Variants in STX8 observed in about 807,000 individuals in gnomAD.
The protein encoded by STX8 is syntaxin 8.
STX8 carries 23 observed loss-of-function variants against 37.5 expected under a neutral mutation model. The ratio of observed to expected loss-of-function variants is 0.61; its 90% CI spans 0.44 to 0.87. The LOEUF is 0.87. STX8 is among the 40% of genes least tolerant of loss of function. The pLI, the probability that STX8 is intolerant of heterozygous loss-of-function variation, is 0.00. For synonymous variants in STX8, 115 were observed against 99.1 expected (o/e 1.16, Z -0.95); for missense variants, 313 against 284.7 (o/e 1.10, Z -0.71).
chr17:9,303,149 G>C (rs1231824392), intron 7 of STX8, among the ~76,000 whole-genome samples: 1 of 152,054 alleles, frequency 6.6e-6, no homozygotes, highest in African/African-American at 2.4e-5. Flanking sequence ...AAATTAGCTG[G>C]GCGTGGTGGC....
At chr17:9,360,756 A>G (rs894661887) in intron 7 of STX8, among the ~76,000 whole-genome samples, 2 of 151,662 alleles carry the variant, frequency 1.3e-5, no homozygotes, top group Admixed American at 6.6e-5. Flanking sequence ...GGCTGTTTCG[A>G]GCGTGAATCA....
intron 6 of STX8, among the ~76,000 whole-genome samples, chr17:9,437,129 G>A (rs907137703): frequency 6.6e-6 from 1 of 152,204 alleles, no homozygotes; most frequent in Admixed American, 6.5e-5. Context: ...GCAGACAGTT[G>A]TACTATTAAT....
At chr17:9,283,661 C>G (rs910401624) in intron 7 of STX8, among the ~76,000 whole-genome samples, 1 of 152,106 alleles carries the variant, frequency 6.6e-6, no homozygotes, top group Non-Finnish European at 1.5e-5. Context: ...ATGGATAGAA[C>G]GACATTCTTT....
chr17:9,489,533 G>A (rs981754057), intron 6 of STX8, among the ~76,000 whole-genome samples: 3 of 152,084 alleles, frequency 2.0e-5, no homozygotes, highest in Non-Finnish European at 2.9e-5. Context: ...CCATCCACCC[G>A]CAGACACTGC....
chr17:9,294,762 T>C (rs1908452352), intron 7 of STX8, among the ~76,000 whole-genome samples: 1 of 152,188 alleles, frequency 6.6e-6, no homozygotes, highest in African/African-American at 2.4e-5. Context: ...GTAACTGTAT[T>C]TGGAGACAGG....
rs535518806 is a variant in STX8 at position 9,452,797 on chromosome 17, G to T, written c.541+39032C>A. Among the ~76,000 whole-genome samples, 219 of 143,000 alleles carry T rather than the reference G, an allele frequency of 1.5e-3. 8 individuals carry two copies. In the South Asian group the frequency reaches 0.05, roughly 33 times the overall value. 93.8% of individuals were successfully genotyped at this position (143,000 alleles called of 152,430 possible). A position where few individuals can be genotyped will look rare whatever the true frequency, so the allele number is the denominator to read the frequency against. ...GATAACAAAGTATCCCAGTAGGATG[G>T]CCCTTGTTTTTTTTTCTTTTTAGAC... is the stretch of plus-strand genomic sequence containing the variant. On this transcript the variant is annotated intron_variant, in intron 6 of 7. Coordinates refer to ENST00000306357, the MANE Select transcript of STX8 (RefSeq NM_004853.3).
rs565778030 is a variant in STX8 at position 9,269,372 on chromosome 17, G to A, written c.644-18727C>T. Among the ~76,000 whole-genome samples the A allele has an allele frequency of 3.9e-5, 6 of 152,164 alleles. No homozygotes were observed. In the South Asian group the frequency reaches 6.2e-4, roughly 16 times the overall value. The stretch of plus-strand genomic sequence containing the variant: ...GGCTTAAACAGACCCTCAAGACACC[G>A]TCCTGGAAAGAGGCAGATTGATGGC... On this transcript the variant is annotated intron_variant, in intron 7 of 7. Coordinates refer to ENST00000306357, the MANE Select transcript of STX8 (RefSeq NM_004853.3).
At chr17:9,275,875 G>GA (rs1393110349) in intron 7 of STX8, among the ~76,000 whole-genome samples, 1 of 139,620 alleles carries the variant, frequency 7.2e-6, no homozygotes, top group East Asian at 2.1e-4. Flanking sequence ...CTCAAAAAAA[G>GA]AAAAAAAAGA....
chr17:9,255,685 C>T (rs1203923858), intron 7 of STX8, among the ~76,000 whole-genome samples: 1 of 152,060 alleles, frequency 6.6e-6, no homozygotes, highest in Non-Finnish European at 1.5e-5. Flanking sequence ...TTTTAGGAGC[C>T]ATGACAAATA....
chr17:9,484,720 G>A (rs929053323), intron 6 of STX8, among the ~76,000 whole-genome samples: 11 of 151,816 alleles, frequency 7.2e-5, no homozygotes, highest in African/African-American at 2.2e-4. Context: ...CCAGCTACTC[G>A]GGAGGCTGAG....
chr17:9,465,518 C>A (rs1013703886), intron 6 of STX8, among the ~76,000 whole-genome samples: 1 of 152,110 alleles, frequency 6.6e-6, no homozygotes, highest in Non-Finnish European at 1.5e-5. Context: ...ATGAATTGTG[C>A]GTGGTGAAAA....
At chr17:9,305,335 C>T (rs569225598) in intron 7 of STX8, among the ~76,000 whole-genome samples, 1 of 152,212 alleles carries the variant, frequency 6.6e-6, no homozygotes, top group Admixed American at 6.5e-5. Flanking sequence ...TCGTGGTCCA[C>T]CTGCCTCAGC....
intron 4 of STX8, among the ~76,000 whole-genome samples, chr17:9,509,587 A>G (rs1754280338): frequency 6.6e-6 from 1 of 152,164 alleles, no homozygotes; most frequent in Admixed American, 6.5e-5. Context: ...AGCCATTATA[A>G]AAACATGTGA....
At chr17:9,400,106 A>ATT (rs368851654) in intron 6 of STX8, among the ~76,000 whole-genome samples, 30,973 of 137,918 alleles carry the variant, frequency 0.22, 3,714 homozygotes, top group Non-Finnish European at 0.26. Context: ...TGTTGTTATT[A>ATT]TTTTTTTTTT....
At chr17:9,533,161 T>C (rs557494343) in intron 4 of STX8, among the ~76,000 whole-genome samples, 63 of 152,338 alleles carry the variant, frequency 4.1e-4, no homozygotes, top group Non-Finnish European at 7.5e-4. Flanking sequence ...ACTGTATCAA[T>C]GTGTCACGTT....
chr17:9,318,200 C>A (rs1274125803), intron 7 of STX8, among the ~76,000 whole-genome samples: 1 of 152,150 alleles, frequency 6.6e-6, no homozygotes, highest in Non-Finnish European at 1.5e-5. Flanking sequence ...TATTTATGTG[C>A]CATGTTGGTT....
intron 7 of STX8, among the ~76,000 whole-genome samples, chr17:9,258,687 TC>T (rs1906891620): frequency 6.6e-6 from 1 of 152,272 alleles, no homozygotes; most frequent in Non-Finnish European, 1.5e-5. Flanking sequence ...TCTCTGGTTT[TC>T]TGAGTTTGTT....
chr17:9,369,540 C>T (rs1911336196), intron 7 of STX8, among the ~76,000 whole-genome samples: 1 of 152,048 alleles, frequency 6.6e-6, no homozygotes, highest in African/African-American at 2.4e-5. Flanking sequence ...ATAAACAAGA[C>T]TACTTAGAAC....
intron 6 of STX8, among the ~76,000 whole-genome samples, chr17:9,479,607 A>T (rs1906233446): frequency 6.7e-6 from 1 of 148,430 alleles, no homozygotes; most frequent in South Asian, 2.1e-4. Flanking sequence ...TTAAGTATAG[A>T]TGTATTTTAT....
Sources: allele counts gnomAD v4.1 joint callset (sites outside exome capture counted in the v4.1 genomes callset), GRCh38; gene constraint gnomAD v4.1.1; transcripts MANE v1.5; gene names NCBI Gene and HGNC (gene_info 2026-07-23, HGNC 2026-07-21).